The following TAF2 variants were observed in gnomAD, a reference collection of about 807,000 sequenced individuals.
TAF2 encodes the protein TATA-box binding protein associated factor 2, also known as transcription initiation factor TFIID subunit 2.
In TAF2, 61 loss-of-function variants were observed where a neutral mutation model predicts 138.5. That is an observed-to-expected ratio of 0.44 (90% CI 0.36 to 0.54). TAF2 has a LOEUF of 0.54. TAF2 is among the 20% of genes least tolerant of loss of function. TAF2 has a pLI of 0.00. For missense variants in TAF2, 1,090 were observed against 1,427.9 expected (o/e 0.76, Z 3.81); for synonymous variants, 475 against 469.9 (o/e 1.01, Z -0.14).
intron 10 of TAF2, 122 bp from the exon 11 acceptor site, chr8:119,791,581 T>G (rs939005077): frequency 9.1e-7 from 1 of 1,100,350 alleles, no homozygotes; most frequent in African/African-American, 1.6e-5. Context: ...GCAATTTCCT[T>G]AGTACTAATA....
chr8:119,788,197 C>G, intron 14 of TAF2, 141 bp downstream of exon 14: 1 of 698,650 alleles, frequency 1.4e-6, no homozygotes, highest in Non-Finnish European at 2.5e-6. Context: ...TGTAACAAAC[C>G]TGCATGTTCT....
chr8:119,743,717 CAT>C (rs1483210073), intron 24 of TAF2, among the ~76,000 whole-genome samples: 1 of 151,914 alleles, frequency 6.6e-6, no homozygotes, highest in African/African-American at 2.4e-5. Flanking sequence ...ATCCAAGAAA[CAT>C]AAATTAACAA....
At chr8:119,745,438 C>T (rs1819894142) in intron 23 of TAF2, among the ~76,000 whole-genome samples, 1 of 132,314 alleles carries the variant, frequency 7.6e-6, no homozygotes, top group Non-Finnish European at 1.6e-5. Context: ...TCTTCATAAC[C>T]CAAACTCTAG....
chr8:119,826,801 C>G (rs983249481), intron 2 of TAF2, among the ~76,000 whole-genome samples: 1 of 152,108 alleles, frequency 6.6e-6, no homozygotes, highest in Admixed American at 6.6e-5. Flanking sequence ...CCATGTTGGC[C>G]GGTCTGGTCT....
At chr8:119,747,829 GA>G (rs1461348472) in intron 22 of TAF2, among the ~76,000 whole-genome samples, 3 of 151,826 alleles carry the variant, frequency 2.0e-5, no homozygotes, top group Non-Finnish European at 2.9e-5. Flanking sequence ...TTCTTGAGAA[GA>G]AAAAAAACCC....
At chr8:119,762,697 A>G in intron 18 of TAF2, 89 bp from the exon 19 acceptor site, 1 of 1,290,898 alleles carries the variant, frequency 7.7e-7, no homozygotes, top group South Asian at 1.4e-5. Context: ...TACATTTTAG[A>G]TAAAATAAAA....
At chr8:119,772,247 T>C (rs944728512) in intron 18 of TAF2, among the ~76,000 whole-genome samples, 1 of 152,214 alleles carries the variant, frequency 6.6e-6, no homozygotes, top group African/African-American at 2.4e-5. Flanking sequence ...AACAACCTAC[T>C]TTGGATTGAA....
rs984660748 is a variant in TAF2, at chr8:119,787,770, T to C, written c.1793+568A>G. Among the ~76,000 whole-genome samples, 75 of 152,210 alleles carry C rather than the reference T, an allele frequency of 4.9e-4. 1 individual carries two copies. The highest frequency in any genetic ancestry group is 2.9e-5 in the Non-Finnish European group (2 of 68,042). ...CCCAAAGGATTATAAATCATTCTCC[T>C]ATAAAGACATATGCACACGTATGTT... is the stretch of plus-strand genomic sequence containing the variant. On this transcript the variant is annotated intron_variant, in intron 14 of 25. Coordinates refer to ENST00000378164, the MANE Select transcript of TAF2 (RefSeq NM_003184.4).
intron 14 of TAF2, among the ~76,000 whole-genome samples, chr8:119,787,317 G>A (rs529496717): frequency 3.3e-5 from 5 of 151,730 alleles, no homozygotes; most frequent in South Asian, 4.2e-4. Context: ...TAACTAACCC[G>A]CACATTGTGC....
At chr8:119,809,499 C>T (rs974640014) in intron 3 of TAF2, among the ~76,000 whole-genome samples, 1 of 152,156 alleles carries the variant, frequency 6.6e-6, no homozygotes, top group African/African-American at 2.4e-5. Context: ...AGAACTTTTC[C>T]TTTGCAGTCA....
intron 23 of TAF2, among the ~76,000 whole-genome samples, chr8:119,745,744 G>C (rs1442042810): frequency 6.7e-6 from 1 of 148,962 alleles, no homozygotes; most frequent in Non-Finnish European, 1.5e-5. Flanking sequence ...AAAATGTCTG[G>C]TAATTTTATA....
At chr8:119,747,234 G>A (rs191849891) in intron 22 of TAF2, among the ~76,000 whole-genome samples, 1 of 152,208 alleles carries the variant, frequency 6.6e-6, no homozygotes, top group East Asian at 1.9e-4. Context: ...CAGCCTCCAT[G>A]AGCCTTTGCA....
chr8:119,767,683 C>T lies in TAF2; in HGVS notation c.2365-5075G>A, dbSNP rs543364030. On this transcript the variant is annotated intron_variant, in intron 18 of 25. Transcript: ENST00000378164. ...CCGGCATTTTCACACAACCCAAAGA[C>T]AGATACGGCAGCCACAGTACAGAGC... Among the ~76,000 whole-genome samples, 396 of 152,364 alleles carry T rather than the reference C, an allele frequency of 2.6e-3. 3 individuals are homozygous for T. Among genetic ancestry groups the T allele is most frequent in the African/African-American group, 9.0e-3 (376 of 41,586 alleles).
At chr8:119,757,567 CAAGT>C (rs1363727994) in intron 21 of TAF2, among the ~76,000 whole-genome samples, 2 of 151,538 alleles carry the variant, frequency 1.3e-5, no homozygotes, top group Non-Finnish European at 2.9e-5. Flanking sequence ...CTCTAAATGC[CAAGT>C]AAGGTCTGCT....
At chr8:119,757,350 T>C (rs567245170) in intron 21 of TAF2, among the ~76,000 whole-genome samples, 1 of 152,158 alleles carries the variant, frequency 6.6e-6, no homozygotes, top group East Asian at 1.9e-4. Flanking sequence ...ATATTTCATA[T>C]CCATATTTTC....
At chr8:119,816,804 A>G (rs1343541678) in intron 3 of TAF2, among the ~76,000 whole-genome samples, 1 of 152,258 alleles carries the variant, frequency 6.6e-6, no homozygotes, top group African/African-American at 2.4e-5. Flanking sequence ...AATATAAGAC[A>G]CAAATCTACA....
At chr8:119,781,284 A>G in intron 16 of TAF2, 91 bp from the exon 17 acceptor site, 1 of 1,424,042 alleles carries the variant, frequency 7.0e-7, no homozygotes, top group Non-Finnish European at 9.7e-7. Flanking sequence ...CAATACTACA[A>G]CTGGATTGGG....
At chr8:119,830,758 T>G (rs920229450) in intron 2 of TAF2, among the ~76,000 whole-genome samples, 5 of 152,190 alleles carry the variant, frequency 3.3e-5, no homozygotes, top group Admixed American at 6.5e-5. Flanking sequence ...CAGCTCTCAT[T>G]AACATTTTAG....
At chr8:119,801,758 C>T (rs370975397) in intron 6 of TAF2, 36 bp downstream of exon 6, 56 of 1,584,440 alleles carry the variant, frequency 3.5e-5, no homozygotes, top group Non-Finnish European at 4.7e-5. Context: ...CAGTAAAGGG[C>T]CAGGAGGAGA....
Sources: gnomAD v4.1 joint callset for allele counts (sites outside exome capture counted in the v4.1 genomes callset) on GRCh38, gnomAD v4.1.1 for gene constraint, MANE v1.5 for transcripts, NCBI Gene and HGNC (gene_info 2026-07-23, HGNC 2026-07-21) for gene names.